Variants in SNF8 observed in about 807,000 individuals in gnomAD.
SNF8 encodes vacuolar-sorting protein SNF8.
A neutral mutation model predicts 36.8 loss-of-function variants in SNF8; 19 were observed. That is an observed-to-expected ratio of 0.52 (90% confidence interval 0.36 to 0.76). The LOEUF is 0.76. Ranked by LOEUF, SNF8 falls within the 30% of genes least tolerant of loss-of-function variation. The pLI, the probability that SNF8 is intolerant of heterozygous loss-of-function variation, is 0.00. For synonymous variants in SNF8, 127 were observed against 127.4 expected, an observed-to-expected ratio of 1.00 and a Z score of 0.02; for missense variants, 268 against 322.9, an observed-to-expected ratio of 0.83 and a Z score of 1.30.
intron 2 of SNF8, among the ~76,000 whole-genome samples, chr17:48,943,325 T>A (rs769199354): frequency 1.3e-5 from 2 of 151,762 alleles, no homozygotes; most frequent in Non-Finnish European, 2.9e-5. Flanking sequence ...ATAACAAAAA[T>A]TAGGGCCCGG....
At chr17:48,944,303 AAAAAC>A (rs933445454) in intron 1 of SNF8, among the ~76,000 whole-genome samples, 3 of 152,250 alleles carry the variant, frequency 2.0e-5, no homozygotes, top group Non-Finnish European at 4.4e-5. Context: ...CTCTGTCTCA[AAAAAC>A]AAAACAAAAC....
Position 48,944,562 on chromosome 17 carries a change from G to C in SNF8, c.54+119C>G. ...AGCTGGAGAAATTCTGTGTCCCGGG[G>C]CCGAGAAGCCAGTCTCAGATTCTGT... is the stretch of plus-strand genomic sequence containing the variant. On this transcript the variant is annotated intron_variant, in intron 1 of 7. Transcript: ENST00000502492. 5 of 1,133,906 alleles carry C rather than the reference G, an allele frequency of 4.4e-6. No homozygotes were observed. The South Asian group carries it at 5.1e-5, about 11-fold the overall frequency. The allele number at this position is 1,133,906 out of a possible 1,614,324, so 70.2% of individuals were successfully genotyped here.
At position 48,929,893 on chromosome 17, in the gene SNF8, T is replaced by G. The variant is rs2040831862; in HGVS notation, c.*582A>C. On this transcript the variant is annotated 3_prime_UTR_variant, in exon 8 of 8. Coordinates refer to ENST00000502492, the MANE Select transcript of SNF8 (RefSeq NM_007241.4). ...AGGGTGAGAAAGCTAGTAGGGAATT[T>G]AAGAAAATAGAACATTCCCTAACTA... 1 of 152,220 alleles carries G rather than the reference T, an allele frequency of 6.6e-6. No homozygotes were observed. Among genetic ancestry groups the G allele is most frequent in the Non-Finnish European group, 1.5e-5 (1 of 68,052 alleles). 9.4% of individuals were successfully genotyped at this position (152,220 alleles called of 1,614,324 possible).
At chr17:48,938,573 A>C (rs2040972873) in intron 3 of SNF8, among the ~76,000 whole-genome samples, 1 of 150,244 alleles carries the variant, frequency 6.7e-6, no homozygotes, top group Non-Finnish European at 1.5e-5. Context: ...ATATATGTTT[A>C]CAAAGTTGGG....
rs2040932821 is a variant in SNF8, at chr17:48,936,254, CAG to C, written c.350-14_350-13del. ...CAAAGTTATCAGACCTGTTTGGAGA[CAG>C]GGAACAGAAATCAGAAAAAGAGATT... On this transcript the variant is annotated splice_polypyrimidine_tract_variant and intron_variant, in intron 4 of 7. Transcript: ENST00000502492. 6.2e-7 allele frequency: 1 copy of C among 1,608,400 alleles called. No individual in the cohort carries two copies. The highest frequency in any genetic ancestry group is 8.5e-7 in the Non-Finnish European group (1 of 1,174,978).
chr17:48,933,593 T>G, intron 5 of SNF8: 1 of 438,058 alleles, frequency 2.3e-6, no homozygotes, highest in Non-Finnish European at 4.2e-6. Flanking sequence ...AATAAAAAAT[T>G]AGCAGGGCAT....
At chr17:48,943,236 G>A (rs958340433) in intron 2 of SNF8, among the ~76,000 whole-genome samples, 1 of 151,674 alleles carries the variant, frequency 6.6e-6, no homozygotes, top group Non-Finnish European at 1.5e-5. Context: ...CTGGGAGGCC[G>A]AGGCGGGTGG....
intron 2 of SNF8, among the ~76,000 whole-genome samples, chr17:48,941,628 G>A (rs1169003151): frequency 6.6e-6 from 1 of 152,014 alleles, no homozygotes; most frequent in Non-Finnish European, 1.5e-5. Context: ...CGGATCACTT[G>A]AGCCCAGGAG....
At chr17:48,944,110 G>A (rs2041069934) in intron 1 of SNF8, 135 bp from the exon 2 acceptor site, 1 of 741,058 alleles carries the variant, frequency 1.3e-6, no homozygotes, top group Middle Eastern at 3.9e-4. Flanking sequence ...GAGCCATCCT[G>A]GCTAACACAG....
Position 48,944,627 on chromosome 17 carries a change from T to G in SNF8, c.54+54A>C, listed in dbSNP as rs1426684906. On this transcript the variant is annotated intron_variant, in intron 1 of 7. Transcript: ENST00000502492. ...CGGGTAGGACACTGCTCCGGGACAATTCAGTCTCGCACGGGTCAGGGGCAG... is the reference window on the plus strand; with the variant it reads ...CGGGTAGGACACTGCTCCGGGACAAGTCAGTCTCGCACGGGTCAGGGGCAG... The G allele has an allele frequency of 6.3e-6, 10 of 1,577,736 alleles. No individual in the cohort carries two copies. The Admixed American group carries it at 1.7e-4, about 26-fold the overall frequency.
chr17:48,943,902 C>T (rs1398771693), intron 2 of SNF8, 23 bp downstream of exon 2: 3 of 1,613,298 alleles, frequency 1.9e-6, no homozygotes, highest in Non-Finnish European at 2.5e-6. Context: ...CCCTCCCTGC[C>T]TGGGGCCCCC....
intron 5 of SNF8, among the ~76,000 whole-genome samples, chr17:48,935,385 C>T (rs926717666): frequency 3.3e-5 from 5 of 151,838 alleles, no homozygotes; most frequent in Non-Finnish European, 5.9e-5. Context: ...TGGTGGCGGG[C>T]GCCTGTAGTC....
At chr17:48,930,698 G>T in intron 7 of SNF8, 86 bp from the exon 8 acceptor site, 1 of 1,407,946 alleles carries the variant, frequency 7.1e-7, no homozygotes, top group Non-Finnish European at 9.6e-7. Context: ...CACCTATTTT[G>T]GCTTCAGTGA....
intron 3 of SNF8, among the ~76,000 whole-genome samples, chr17:48,939,025 G>A (rs1470992259): frequency 5.3e-5 from 8 of 151,952 alleles, no homozygotes; most frequent in African/African-American, 1.4e-4. Flanking sequence ...TTGGGAGGCC[G>A]AGGCGGGTGG....
In SNF8 at chr17:48,940,822, G is replaced by A. The variant is rs1284112554; in HGVS notation, c.244+102C>T. On this transcript the variant is annotated intron_variant, in intron 3 of 7. Coordinates refer to ENST00000502492, the MANE Select transcript of SNF8 (RefSeq NM_007241.4). ...CAGCATCCTCTGGGTCTTCCTGCAG[G>A]CCTTTCTAGTGGATGCCCCAACAGT... is the stretch of plus-strand genomic sequence containing the variant. The A allele has an allele frequency of 1.3e-5, 17 of 1,334,694 alleles. No homozygotes were observed. The East Asian group carries it at 3.8e-4, about 30-fold the overall frequency. 82.7% of individuals were successfully genotyped at this position (1,334,694 alleles called of 1,614,324 possible). A position where few individuals can be genotyped will look rare whatever the true frequency, so the allele number is the denominator to read the frequency against.
At chr17:48,934,988 T>C (rs2040913457) in intron 5 of SNF8, among the ~76,000 whole-genome samples, 1 of 152,204 alleles carries the variant, frequency 6.6e-6, no homozygotes, top group South Asian at 2.1e-4. Flanking sequence ...ACTAGATCAA[T>C]TTATATTCCA....
chr17:48,942,017 A>T (rs961001325), intron 2 of SNF8, among the ~76,000 whole-genome samples: 2 of 152,024 alleles, frequency 1.3e-5, no homozygotes, highest in Non-Finnish European at 2.9e-5. Context: ...AATATAAATT[A>T]AAAAAACAAA....
At chr17:48,932,508 A>T (rs2143794046) in intron 6 of SNF8, 1 of 152,168 alleles carries the variant, frequency 6.6e-6, no homozygotes, top group African/African-American at 2.4e-5. Context: ...GCACTTAGAG[A>T]GGCTAAGGTG....
chr17:48,938,688 T>A (rs745805190), intron 3 of SNF8, among the ~76,000 whole-genome samples: 19 of 151,848 alleles, frequency 1.3e-4, no homozygotes, highest in Non-Finnish European at 2.4e-4. Flanking sequence ...GCTAACATGC[T>A]GAAACCCTGT....
Sources: allele counts gnomAD v4.1 joint callset (sites outside exome capture counted in the v4.1 genomes callset), GRCh38; gene constraint gnomAD v4.1.1; transcripts MANE v1.5; gene names NCBI Gene and HGNC (gene_info 2026-07-23, HGNC 2026-07-21).